The following SAMD5 variants were observed in gnomAD, a reference collection of about 807,000 sequenced individuals.
The protein encoded by SAMD5 is sterile alpha motif domain containing 5, also known as sterile alpha motif domain-containing protein 5.
A neutral mutation model predicts 11.3 loss-of-function variants in SAMD5; 13 were observed. That is an observed-to-expected ratio of 1.15 (90% CI 0.75 to 1.83). The LOEUF (loss-of-function observed/expected upper bound fraction) is 1.83. Ranked by LOEUF, SAMD5 falls within the 40% of genes most tolerant of loss-of-function variation. The pLI, the probability that SAMD5 is intolerant of heterozygous loss-of-function variation, is 0.00. For missense variants in SAMD5, 255 were observed against 239.1 expected, an observed-to-expected ratio of 1.07 and a Z score of -0.44; for synonymous variants, 129 against 111.3, an observed-to-expected ratio of 1.16 and a Z score of -1.00.
the SAMD5 span, among the ~76,000 whole-genome samples, chr6:147,891,737 C>T: frequency 6.6e-6 from 1 of 151,938 alleles, no homozygotes; most frequent in Admixed American, 6.6e-5. Context: ...GATGAAAGCT[C>T]ATCAGCTGTA....
chr6:147,794,185 C>T, the SAMD5 span, among the ~76,000 whole-genome samples: 4 of 151,998 alleles, frequency 2.6e-5, no homozygotes, highest in East Asian at 1.9e-4. Context: ...TATTCAAATC[C>T]GATTATGTTT....
chr6:147,561,513 G>C (rs559884720), intron 1 of SAMD5, among the ~76,000 whole-genome samples: 1 of 152,034 alleles, frequency 6.6e-6, no homozygotes, highest in Non-Finnish European at 1.5e-5. Flanking sequence ...TTTAAGAAGG[G>C]ATCAATGCCT....
At chr6:147,790,664 C>T in the SAMD5 span, among the ~76,000 whole-genome samples, 1 of 152,008 alleles carries the variant, frequency 6.6e-6, no homozygotes, top group African/African-American at 2.4e-5. Context: ...TGGGGAAGAT[C>T]TGCCTTCAGT....
At chr6:147,883,125 G>A in the SAMD5 span, among the ~76,000 whole-genome samples, 1 of 152,192 alleles carries the variant, frequency 6.6e-6, no homozygotes. Flanking sequence ...CATCTGTGCA[G>A]AGGATCATTT....
At chr6:147,816,297 AAAAAATATAT>A in the SAMD5 span, among the ~76,000 whole-genome samples, 2 of 86,642 alleles carry the variant, frequency 2.3e-5, no homozygotes, top group African/African-American at 1.3e-4. Context: ...AAAAAAAAAA[AAAAAATATAT>A]ATATATATAT....
At chr6:147,869,669 A>G in the SAMD5 span, among the ~76,000 whole-genome samples, 21 of 152,340 alleles carry the variant, frequency 1.4e-4, no homozygotes, top group Non-Finnish European at 2.5e-4. Context: ...CATGTATTTT[A>G]TCATCTCCAC....
chr6:147,888,452 C>G, the SAMD5 span, among the ~76,000 whole-genome samples: 77 of 152,192 alleles, frequency 5.1e-4, 1 homozygote, highest in Non-Finnish European at 9.6e-4. Context: ...TTATTAGTTG[C>G]ATTTGCTCGT....
chr6:147,687,543 C>A (rs1791036093), intron 1 of SAMD5, among the ~76,000 whole-genome samples: 1 of 152,042 alleles, frequency 6.6e-6, no homozygotes, highest in South Asian at 2.1e-4. Context: ...AAGTGTACTT[C>A]ATTCCCTCTT....
At chr6:147,906,679 G>A in the SAMD5 span, among the ~76,000 whole-genome samples, 17,942 of 152,184 alleles carry the variant, frequency 0.12, 1,291 homozygotes, top group South Asian at 0.29. Context: ...GCTCAGTGAG[G>A]TGGGAGAAGT....
the SAMD5 span, among the ~76,000 whole-genome samples, chr6:147,782,940 T>C: frequency 6.6e-6 from 1 of 152,216 alleles, no homozygotes; most frequent in African/African-American, 2.4e-5. Context: ...TTTAGGGAGA[T>C]GATTTTTGTG....
intron 1 of SAMD5, among the ~76,000 whole-genome samples, chr6:147,545,532 A>G (rs1562316965): frequency 6.6e-6 from 1 of 152,212 alleles, no homozygotes; most frequent in East Asian, 1.9e-4. Context: ...AGCTGAAAAG[A>G]TCTGAGAGGG....
At chr6:147,953,093 G>A in the SAMD5 span, among the ~76,000 whole-genome samples, 1 of 152,010 alleles carries the variant, frequency 6.6e-6, no homozygotes, top group Non-Finnish European at 1.5e-5. Context: ...TACAGTTGAT[G>A]TCAGTAATAC....
chr6:147,612,714 T>G (rs1789804387), intron 1 of SAMD5, among the ~76,000 whole-genome samples: 1 of 152,220 alleles, frequency 6.6e-6, no homozygotes, highest in African/African-American at 2.4e-5. Context: ...GAACCTGCTG[T>G]GTAAAATTGG....
chr6:147,916,509 A>T, the SAMD5 span, among the ~76,000 whole-genome samples: 3 of 152,090 alleles, frequency 2.0e-5, no homozygotes, highest in Admixed American at 6.6e-5. Context: ...GCCAGTGATG[A>T]TGAGTATTTT....
At chr6:147,612,062 A>G (rs1020343771) in intron 1 of SAMD5, among the ~76,000 whole-genome samples, 1 of 152,130 alleles carries the variant, frequency 6.6e-6, no homozygotes, top group African/African-American at 2.4e-5. Flanking sequence ...TTGTTTATCT[A>G]TCATCGTGTG....
chr6:147,745,258 C>G, the SAMD5 span, among the ~76,000 whole-genome samples: 1 of 151,890 alleles, frequency 6.6e-6, no homozygotes, highest in Non-Finnish European at 1.5e-5. Flanking sequence ...AAAATTGAAG[C>G]TGGGAGATGG....
intron 1 of SAMD5, among the ~76,000 whole-genome samples, chr6:147,732,007 A>G (rs1189534109): frequency 1.3e-5 from 2 of 152,210 alleles, no homozygotes; most frequent in Non-Finnish European, 2.9e-5. Flanking sequence ...GAAAACTCAC[A>G]CAACTAAATG....
chr6:147,873,565 T>A, the SAMD5 span, among the ~76,000 whole-genome samples: 23 of 152,184 alleles, frequency 1.5e-4, no homozygotes, highest in East Asian at 3.9e-3. Flanking sequence ...TTTGAAATAT[T>A]CATATGATGT....
chr6:147,920,366 C>T, the SAMD5 span, among the ~76,000 whole-genome samples: 1 of 152,162 alleles, frequency 6.6e-6, no homozygotes, highest in African/African-American at 2.4e-5. Flanking sequence ...GGACTTACAC[C>T]AGTGGTTTGC....
Sources: allele counts gnomAD v4.1 joint callset (sites outside exome capture counted in the v4.1 genomes callset), GRCh38; gene constraint gnomAD v4.1.1; transcripts MANE v1.5; gene names NCBI Gene and HGNC (gene_info 2026-07-23, HGNC 2026-07-21).